Variants in PROX2 observed in about 807,000 individuals in gnomAD.
PROX2 encodes prospero homeobox 2.
PROX2 carries 46 observed loss-of-function variants against 48.9 expected under a neutral mutation model. That is an observed-to-expected ratio of 0.94 (90% CI 0.74 to 1.20). The LOEUF is 1.20. PROX2 is among the 50% of genes most tolerant of loss of function. The pLI is 0.00. For missense variants in PROX2, 663 were observed against 719.4 expected, an observed-to-expected ratio of 0.92 and a Z score of 0.90; for synonymous variants, 260 against 276.6, an observed-to-expected ratio of 0.94 and a Z score of 0.60.
At chr14:74,856,307 T>G (rs2091742477) in intron 5 of PROX2, 1 of 155,410 alleles carries the variant, frequency 6.4e-6, no homozygotes, top group African/African-American at 2.4e-5. Flanking sequence ...AGCTTGAGTG[T>G]TGTTTATTGT....
chr14:74,854,313 G>A lies in PROX2; in HGVS notation c.*819C>T. ...GCATAAAGTTTGTCTTGAGTTTGCT[G>A]AAATGATCAGCAGAAATCTTGGGCG... On this transcript the variant is annotated 3_prime_UTR_variant, in exon 6 of 6. Coordinates refer to ENST00000556489, the MANE Select transcript of PROX2 (RefSeq NM_001243007.2). The A allele has an allele frequency of 2.3e-6, 1 of 438,752 alleles. No homozygotes were observed. Among genetic ancestry groups the A allele is most frequent in the Non-Finnish European group, 4.5e-6 (1 of 220,076 alleles). The allele number at this position is 438,752 out of a possible 1,614,324, so 27.2% of individuals were successfully genotyped here. A position where few individuals can be genotyped will look rare whatever the true frequency, so the allele number is the denominator to read the frequency against.
intron 2 of PROX2, among the ~76,000 whole-genome samples, chr14:74,868,616 C>T (rs569233963): frequency 1.5e-3 from 224 of 151,566 alleles, no homozygotes; most frequent in South Asian, 4.6e-3. Context: ...AGGCGGATCA[C>T]GAGGTCAGGA....
rs2091734020 is a variant in PROX2 at position 74,855,235 on chromosome 14, C to CTCAGG, written c.1675_1676insCCTGA (p.Gly559AlafsTer2). 4 of 1,592,840 alleles carry CTCAGG rather than the reference C, an allele frequency of 2.5e-6. No homozygotes were observed. The highest frequency in any genetic ancestry group is 3.4e-6 in the Non-Finnish European group (4 of 1,166,016). ...CTTCCAGGAAGGATCTGAGTCTCTC[C>CTCAGG]CTGCGGAGACAGCCCTGAAGAACTC... is the stretch of plus-strand genomic sequence containing the variant. On this transcript the variant is annotated stop_gained and frameshift_variant, in exon 6 of 6. Transcript: ENST00000556489. LOFTEE classifies it high-confidence loss of function.
At chr14:74,856,660 T>G in intron 5 of PROX2, 141 bp downstream of exon 5, 1 of 661,490 alleles carries the variant, frequency 1.5e-6, no homozygotes, top group Non-Finnish European at 2.6e-6. Context: ...CTGTAATCTT[T>G]GTGGATGATA....
rs554176159 is a variant in PROX2 at position 74,854,792 on chromosome 14, C to T, written c.*340G>A. ...TGCATAGGACATACTGTCCTTTAAT[C>T]CTTAACAACCTCATTTTACAGATAC... On this transcript the variant is annotated 3_prime_UTR_variant, in exon 6 of 6. Transcript: ENST00000556489. 8.4e-5 allele frequency: 15 copies of T among 178,400 alleles called. No homozygotes were observed. The South Asian group carries it at 2.9e-3, about 34-fold the overall frequency. The allele number at this position is 178,400 out of a possible 1,614,324, so 11.1% of individuals were successfully genotyped here.
intron 3 of PROX2, 28 bp from the exon 4 acceptor site, chr14:74,858,542 C>T: frequency 8.5e-7 from 1 of 1,180,394 alleles, no homozygotes; most frequent in Non-Finnish European, 1.2e-6. Flanking sequence ...AAAATGAACA[C>T]TTTAAAATGC....
At chr14:74,869,038 GT>G (rs1883148351) in intron 2 of PROX2, among the ~76,000 whole-genome samples, 1 of 152,060 alleles carries the variant, frequency 6.6e-6, no homozygotes, top group South Asian at 2.1e-4. Context: ...GTTAACACAT[GT>G]TATATTTTTA....
At chr14:74,867,302 G>A (rs1566782254) in intron 2 of PROX2, among the ~76,000 whole-genome samples, 2 of 152,188 alleles carry the variant, frequency 1.3e-5, no homozygotes, top group Non-Finnish European at 2.9e-5. Context: ...CCTGGACTTT[G>A]TGTTCACTGA....
At chr14:74,856,575 C>A (rs2091744574) in intron 5 of PROX2, 3 of 549,606 alleles carry the variant, frequency 5.5e-6, no homozygotes, top group Admixed American at 3.1e-5. Flanking sequence ...AGCCCTCTCA[C>A]TAAGCTTCAG....
At chr14:74,856,579 G>A (rs1387987760) in intron 5 of PROX2, 4 of 555,078 alleles carry the variant, frequency 7.2e-6, no homozygotes, top group Admixed American at 6.1e-5. Context: ...CTCTCACTAA[G>A]CTTCAGAATG....
chr14:74,870,439 A>ATACACACACACACACACACACACAC (rs1555371979), intron 2 of PROX2, among the ~76,000 whole-genome samples: 1 of 29,936 alleles, frequency 3.3e-5, no homozygotes, highest in Non-Finnish European at 6.1e-5. Context: ...AAAAAAAAAA[A>ATACACACACACACACACACACACAC]ATACACACAC....
intron 4 of PROX2, 115 bp from the exon 5 acceptor site, chr14:74,857,110 A>T: frequency 1.3e-6 from 1 of 756,306 alleles, no homozygotes; most frequent in Non-Finnish European, 2.1e-6. Context: ...CAGCATTAAC[A>T]GGGGCTTCCT....
At chr14:74,867,043 G>A (rs538664508) in intron 2 of PROX2, among the ~76,000 whole-genome samples, 3 of 152,304 alleles carry the variant, frequency 2.0e-5, no homozygotes, top group Admixed American at 1.3e-4. Flanking sequence ...CACCAGTACA[G>A]GCAGGTGGAT....
At chr14:74,855,663 A>G (rs1172270347) in intron 5 of PROX2, 1 of 165,530 alleles carries the variant, frequency 6.0e-6, no homozygotes, top group Non-Finnish European at 1.3e-5. Flanking sequence ...CTAACTGTGG[A>G]AAGGAGTGCC....
At position 74,858,451 on chromosome 14, in the gene PROX2, A is replaced by G. The variant is rs780900776; in HGVS notation, c.1369T>C (p.Tyr457His). ...KAKLMFFFTRYPSSNLLKVYF... is the reference protein window; with the variant it reads ...KAKLMFFFTRHPSSNLLKVYF... ...ACCTTCAGGAGGTTGGAGCTGGGAT[A>G]TCGTGTGAAGAAAAACATTAGTTTG... is the stretch of plus-strand genomic sequence containing the variant. The change falls in exon 4 of 6, where the codon TAT becomes CAT. Residue 457 changes from tyrosine to histidine, a missense_variant. By Grantham distance (83) the Tyr-to-His change is moderately conservative. Transcript: ENST00000556489. 14 of 1,586,278 alleles carry G rather than the reference A, an allele frequency of 8.8e-6. No homozygotes were observed. Among genetic ancestry groups the G allele is most frequent in the Admixed American group, 3.6e-5 (2 of 56,086 alleles).
Position 74,863,448 on chromosome 14 carries a change from GC to G in PROX2, c.386del (p.Gly129AlafsTer4). The G allele has an allele frequency of 5.0e-6, 8 of 1,613,422 alleles. No individual in the cohort carries two copies. The highest frequency in any genetic ancestry group is 6.8e-6 in the Non-Finnish European group (8 of 1,179,580). On this transcript the variant is annotated frameshift_variant, in exon 3 of 6. Transcript: ENST00000556489. LOFTEE classifies it high-confidence loss of function. ...GATGAAGTTGTTCTCTCACACGAGG[GC>G]CCCCCTTCCTGTTGCCCTGGTCCCA... ...PAWDQGNRKGGPRVREQLHLL... is the reference protein window; with the variant it reads ...PAWDQGNRKGXPRVREQLHLL...
chr14:74,862,014 A>G (rs1375042969), intron 3 of PROX2, among the ~76,000 whole-genome samples: 1 of 152,210 alleles, frequency 6.6e-6, no homozygotes, highest in Non-Finnish European at 1.5e-5. Context: ...ACCCAAAGGA[A>G]TAAGTCAAGT....
intron 5 of PROX2, 135 bp from the exon 6 acceptor site, chr14:74,855,437 T>G (rs1235253361): frequency 3.5e-6 from 2 of 564,158 alleles, no homozygotes; most frequent in Non-Finnish European, 5.7e-6. Context: ...TGGCCCCTGA[T>G]TCTGCAACCC....
intron 1 of PROX2, among the ~76,000 whole-genome samples, chr14:74,873,077 T>C (rs1421727023): frequency 6.6e-6 from 1 of 152,042 alleles, no homozygotes; most frequent in African/African-American, 2.4e-5. Flanking sequence ...TCCACCTCCT[T>C]GGTTCAAGTG....
Sources: allele counts gnomAD v4.1 joint callset (sites outside exome capture counted in the v4.1 genomes callset), GRCh38; gene constraint gnomAD v4.1.1; transcripts MANE v1.5; gene names NCBI Gene and HGNC (gene_info 2026-07-23, HGNC 2026-07-21).